ADAMTS17: variants seen among roughly 807,000 people sequenced by gnomAD.
ADAMTS17 encodes the protein ADAM metallopeptidase with thrombospondin type 1 motif 17.
ADAMTS17 carries 113 observed loss-of-function variants against 141.5 expected under a neutral mutation model. That is an observed-to-expected ratio of 0.80 (90% CI 0.69 to 0.93). The LOEUF (loss-of-function observed/expected upper bound fraction) is 0.93, where lower values mean the gene tolerates loss of function less well. Ranked by LOEUF, ADAMTS17 falls within the 40% of genes least tolerant of loss-of-function variation. The pLI, the probability that ADAMTS17 is intolerant of heterozygous loss-of-function variation, is 0.00. For synonymous variants in ADAMTS17, 768 were observed against 630.6 expected (o/e 1.22, Z -3.27); for missense variants, 1,659 against 1,517.9 (o/e 1.09, Z -1.54).
At chr15:100,088,526 C>T (rs1042471061) in intron 15 of ADAMTS17, among the ~76,000 whole-genome samples, 16 of 152,118 alleles carry the variant, frequency 1.1e-4, no homozygotes, top group South Asian at 8.3e-4. Context: ...TAGCCCGCAT[C>T]GCCAAGTCAA....
rs141367283 is a variant in ADAMTS17 at position 100,261,566 on chromosome 15, T to A, written c.944A>T (p.Tyr315Phe). ...ATTGCCGAGGTATCGCGCTCCTCCA[T>A]ACTCCTCGTTCTGCCAGTGACAGAA... The part of the protein sequence containing the change: ...ESFCHWQNEE[Y>F]GGARYLGNNQ... Residue 315 changes from tyrosine (Y) to phenylalanine (F), a missense_variant, in exon 6 of 22, where the codon TAT becomes TTT. Coordinates refer to ENST00000268070, the MANE Select transcript of ADAMTS17 (RefSeq NM_139057.4). The A allele has an allele frequency of 3.3e-5, 54 of 1,614,154 alleles. No homozygotes were observed. The African/African-American group carries it at 6.3e-4, about 19-fold the overall frequency.
rs529451574 is a variant in ADAMTS17 at position 100,146,906 on chromosome 15, G to T, written c.1473+5706C>A. 6.6e-5 allele frequency among the ~76,000 whole-genome samples: 10 copies of T among 152,200 alleles called. No homozygotes were observed. In the South Asian group the frequency reaches 2.1e-3, roughly 32 times the overall value. On this transcript the variant is annotated intron_variant, in intron 10 of 21. Coordinates refer to ENST00000268070, the MANE Select transcript of ADAMTS17 (RefSeq NM_139057.4). Reference sequence around the variant, plus strand: ...GGAAATTCCCGCCTAATAAATTTTGGTCAGACTGGTTGCTCTCAAAACTCT... The same window carrying T: ...GGAAATTCCCGCCTAATAAATTTTGTTCAGACTGGTTGCTCTCAAAACTCT...
At chr15:100,234,394 T>TAAGGA (rs2042588697) in intron 7 of ADAMTS17, among the ~76,000 whole-genome samples, 1 of 152,150 alleles carries the variant, frequency 6.6e-6, no homozygotes, top group African/African-American at 2.4e-5. Context: ...ATGCTACCAG[T>TAAGGA]AAGGAAGATG....
Position 100,238,227 on chromosome 15 carries a change from G to A in ADAMTS17, c.1075+15909C>T, listed in dbSNP as rs142445715. On this transcript the variant is annotated intron_variant, in intron 7 of 21. Transcript: ENST00000268070. ...TGTCACCTTCTCAGCAAAGCCTTTG[G>A]CCACTCCAGGTAAAATTTCAGGTCC... Among the ~76,000 whole-genome samples, 230 of 152,256 alleles carry A rather than the reference G, an allele frequency of 1.5e-3. 1 individual carries two copies. The highest frequency in any genetic ancestry group is 4.7e-3 in the African/African-American group (195 of 41,542).
intron 15 of ADAMTS17, among the ~76,000 whole-genome samples, chr15:100,057,903 G>A (rs1225518350): frequency 6.6e-6 from 1 of 152,078 alleles, no homozygotes; most frequent in African/African-American, 2.4e-5. Flanking sequence ...GCCTGAAGCT[G>A]GTGCTCAGCA....
At chr15:100,237,627 GT>G (rs2042699801) in intron 7 of ADAMTS17, among the ~76,000 whole-genome samples, 1 of 152,026 alleles carries the variant, frequency 6.6e-6, no homozygotes, top group African/African-American at 2.4e-5. Context: ...GAGGTTTTTT[GT>G]TTTTGTTTTT....
chr15:100,169,390 A>G (rs918072515), intron 8 of ADAMTS17, among the ~76,000 whole-genome samples: 1 of 152,204 alleles, frequency 6.6e-6, no homozygotes, highest in African/African-American at 2.4e-5. Flanking sequence ...ATACTCTACA[A>G]GGGGCACTCA....
chr15:100,113,800 A>T (rs969846139), intron 13 of ADAMTS17, among the ~76,000 whole-genome samples: 1 of 152,164 alleles, frequency 6.6e-6, no homozygotes, highest in Non-Finnish European at 1.5e-5. Context: ...CACGCCCCTC[A>T]TCCCCACGGA....
At chr15:100,029,601 G>A (rs1212490675) in intron 18 of ADAMTS17, among the ~76,000 whole-genome samples, 1 of 152,136 alleles carries the variant, frequency 6.6e-6, no homozygotes, top group South Asian at 2.1e-4. Flanking sequence ...ACTTGGTTAG[G>A]TCTCTGCTTT....
chr15:100,089,660 T>C (rs1350453670), intron 15 of ADAMTS17, among the ~76,000 whole-genome samples: 1 of 151,858 alleles, frequency 6.6e-6, no homozygotes, highest in East Asian at 1.9e-4. Flanking sequence ...CCATAAAAAA[T>C]GATGAGTTCA....
intron 10 of ADAMTS17, among the ~76,000 whole-genome samples, chr15:100,139,088 G>A (rs1227728787): frequency 3.3e-5 from 5 of 151,978 alleles, no homozygotes; most frequent in South Asian, 4.2e-4. Context: ...TAAAAAGGGC[G>A]AAACAGAAAA....
chr15:100,011,439 GGAAAA>G (rs1238968295), intron 18 of ADAMTS17, among the ~76,000 whole-genome samples: 7 of 141,982 alleles, frequency 4.9e-5, no homozygotes, highest in African/African-American at 1.6e-4. Flanking sequence ...AATGAGGAAA[GGAAAA>G]GAAGGAAGGA....
At chr15:100,173,986 G>A (rs2040249245) in intron 8 of ADAMTS17, among the ~76,000 whole-genome samples, 1 of 152,184 alleles carries the variant, frequency 6.6e-6, no homozygotes, top group Non-Finnish European at 1.5e-5. Flanking sequence ...TCTGAGCTGA[G>A]ATCCACCTTC....
chr15:100,203,766 G>A (rs1356112050), intron 7 of ADAMTS17, among the ~76,000 whole-genome samples: 2 of 152,090 alleles, frequency 1.3e-5, no homozygotes, highest in African/African-American at 2.4e-5. Context: ...AGGCATGGTG[G>A]CAGGTCCCTA....
At chr15:100,173,651 T>C (rs1160867279) in intron 8 of ADAMTS17, among the ~76,000 whole-genome samples, 1 of 152,254 alleles carries the variant, frequency 6.6e-6, no homozygotes, top group Non-Finnish European at 1.5e-5. Flanking sequence ...TCTTATTCAC[T>C]GGACTCTGCA....
At chr15:100,249,825 A>G (rs1042804432) in intron 7 of ADAMTS17, among the ~76,000 whole-genome samples, 1 of 152,216 alleles carries the variant, frequency 6.6e-6, no homozygotes, top group Non-Finnish European at 1.5e-5. Context: ...CTGAGATCTG[A>G]AATCTATTTT....
chr15:100,019,737 G>A (rs1167639088), intron 18 of ADAMTS17, among the ~76,000 whole-genome samples: 4 of 152,198 alleles, frequency 2.6e-5, no homozygotes, highest in Admixed American at 6.5e-5. Flanking sequence ...GCCAAGCTAC[G>A]TCTGCTGTGG....
intron 14 of ADAMTS17, among the ~76,000 whole-genome samples, chr15:100,098,769 G>A (rs533130989): frequency 1.2e-4 from 19 of 152,288 alleles, no homozygotes; most frequent in African/African-American, 4.3e-4. Context: ...GAGACCACGT[G>A]TCTGTTGCTT....
chr15:100,122,889 C>T (rs2037521076), intron 12 of ADAMTS17, among the ~76,000 whole-genome samples: 1 of 152,146 alleles, frequency 6.6e-6, no homozygotes. Context: ...TATAAGTGGA[C>T]CTGCACAGTT....
Sources: allele counts gnomAD v4.1 joint callset (sites outside exome capture counted in the v4.1 genomes callset), GRCh38; gene constraint gnomAD v4.1.1; transcripts MANE v1.5; gene names NCBI Gene and HGNC (gene_info 2026-07-23, HGNC 2026-07-21).